The following CDKL5 variants were observed in gnomAD, a reference collection of about 807,000 sequenced individuals.
CDKL5 encodes the protein cyclin dependent kinase like 5, also known as cyclin-dependent kinase-like 5.
In CDKL5, 8 loss-of-function variants were observed where a neutral mutation model predicts 61.7. The ratio of observed to expected loss-of-function variants is 0.13; its 90% CI spans 0.08 to 0.23. The LOEUF is 0.23. Ranked by LOEUF, CDKL5 falls within the 10% of genes least tolerant of loss-of-function variation. The pLI is 1.00. For synonymous variants in CDKL5, 275 were observed against 272.3 expected, an observed-to-expected ratio of 1.01 and a Z score of -0.10; for missense variants, 440 against 734.5, an observed-to-expected ratio of 0.60 and a Z score of 4.63.
At position 18,431,428 on chromosome X, in the gene CDKL5, T is replaced by C. The variant is rs186467095; in HGVS notation, c.-163+5733T>C. Among the ~76,000 whole-genome samples the C allele has an allele frequency of 6.9e-3, 736 of 106,280 alleles. 8 individuals are homozygous for C. The highest frequency in any genetic ancestry group is 0.024 in the African/African-American group (690 of 29,191). The allele number at this position is 106,280 out of a possible 115,157, so 92.3% of individuals were successfully genotyped here. ...TAATTTTGTTGATTTCTTTTCTTTT[T>C]TTTTTTTTTTTGAGACGGAGTCTCG... On this transcript the variant is annotated intron_variant, in intron 1 of 17. Transcript: ENST00000623535.
chrX:18,440,157 C>T (rs1374940498), intron 1 of CDKL5, among the ~76,000 whole-genome samples: 1 of 111,582 alleles, frequency 9.0e-6, no homozygotes, highest in Middle Eastern at 4.6e-3. Context: ...CTGTAGCATA[C>T]GATGCTGTTT....
At chrX:18,627,710 A>T (rs1284400804) in intron 17 of CDKL5, 1 of 107,413 alleles carries the variant, frequency 9.3e-6, no homozygotes, top group Non-Finnish European at 1.9e-5. Flanking sequence ...AATTCTTTAG[A>T]TAGTTCTGAT....
chrX:18,513,055 G>A (rs182518317), intron 3 of CDKL5, among the ~76,000 whole-genome samples: 6 of 111,197 alleles, frequency 5.4e-5, no homozygotes, highest in African/African-American at 1.3e-4. Flanking sequence ...TGTATTATAC[G>A]TATACATATA....
intron 5 of CDKL5, 125 bp downstream of exon 5, chrX:18,575,615 T>A (rs1925275386): frequency 1.6e-6 from 1 of 633,605 alleles, no homozygotes; most frequent in Non-Finnish European, 2.6e-6. Flanking sequence ...CTGAGGACTT[T>A]AAAAATGAAA....
At chrX:18,482,029 G>T (rs1419624020) in intron 1 of CDKL5, among the ~76,000 whole-genome samples, 1 of 111,253 alleles carries the variant, frequency 9.0e-6, no homozygotes, top group Non-Finnish European at 1.9e-5. Context: ...AGTGAGTCCT[G>T]GTTCAAATTT....
intron 1 of CDKL5, among the ~76,000 whole-genome samples, chrX:18,454,323 G>A (rs771548375): frequency 1.9e-5 from 2 of 105,983 alleles, no homozygotes; most frequent in Admixed American, 1.0e-4. Context: ...TGCAACCTCC[G>A]CTTCCCAGGT....
intron 3 of CDKL5, among the ~76,000 whole-genome samples, chrX:18,549,163 T>C (rs1924300400): frequency 8.9e-6 from 1 of 112,277 alleles, no homozygotes; most frequent in Non-Finnish European, 1.9e-5. Flanking sequence ...CTGGCTTTTG[T>C]TCAGGCTCTG....
intron 1 of CDKL5, among the ~76,000 whole-genome samples, chrX:18,478,879 C>T (rs1361493640): frequency 6.4e-5 from 7 of 108,790 alleles, no homozygotes; most frequent in Non-Finnish European, 9.5e-5. Context: ...CCATGCCCCG[C>T]CAATTTTTGT....
intron 1 of CDKL5, among the ~76,000 whole-genome samples, chrX:18,489,963 G>T (rs780826911): frequency 3.6e-5 from 4 of 111,138 alleles, no homozygotes; most frequent in Admixed American, 9.6e-5. Flanking sequence ...TATATTCTCA[G>T]CATCTCCTGG....
chrX:18,553,465 C>CGTGT (rs201802099), intron 3 of CDKL5, among the ~76,000 whole-genome samples: 2,790 of 90,760 alleles, frequency 0.031, 67 homozygotes, highest in African/African-American at 0.065. Context: ...TGTGTGTGTG[C>CGTGT]GTGTGTGTGT....
intron 1 of CDKL5, among the ~76,000 whole-genome samples, chrX:18,469,895 A>T (rs750182023): frequency 8.9e-6 from 1 of 112,347 alleles, no homozygotes; most frequent in Non-Finnish European, 1.9e-5. Context: ...CAAATTGATT[A>T]AAAGAACACT....
At chrX:18,490,501 C>A (rs1177239270) in intron 1 of CDKL5, among the ~76,000 whole-genome samples, 1 of 110,292 alleles carries the variant, frequency 9.1e-6, no homozygotes, top group Non-Finnish European at 1.9e-5. Flanking sequence ...GCACATGAAT[C>A]TTCAGCTTAC....
intron 20 of CDKL5, among the ~76,000 whole-genome samples, chrX:18,649,041 CAAA>C (rs746581850): frequency 1.9e-3 from 99 of 50,805 alleles, no homozygotes; most frequent in Non-Finnish European, 2.7e-3. Context: ...GACACTGTCT[CAAA>C]AAAAAAAAAA....
At chrX:18,592,915 G>T (rs1375281061) in intron 9 of CDKL5, among the ~76,000 whole-genome samples, 1 of 111,753 alleles carries the variant, frequency 8.9e-6, no homozygotes, top group African/African-American at 3.3e-5. Context: ...AACAATTGAT[G>T]CCCCATAGTA....
At chrX:18,446,647 A>G (rs1184559343) in intron 1 of CDKL5, among the ~76,000 whole-genome samples, 1 of 111,871 alleles carries the variant, frequency 8.9e-6, no homozygotes, top group East Asian at 2.8e-4. Context: ...AATACATTTT[A>G]ACGTTCTCAG....
chrX:18,559,332 C>A (rs1176664318), intron 3 of CDKL5, among the ~76,000 whole-genome samples: 1 of 111,664 alleles, frequency 9.0e-6, no homozygotes, highest in East Asian at 2.8e-4. Flanking sequence ...CCTCAGCCTC[C>A]CAAGTAGCTG....
At position 18,579,935 on chromosome X, in the gene CDKL5, C is replaced by G. The variant is rs1336371214; in HGVS notation, c.370C>G (p.His124Asp). Reference sequence around the variant, plus strand: ...CATCTATCAGCTAATCAAGGCTATTCACTGGTGCCATAAGAATGATATTGT... The same window carrying G: ...CATCTATCAGCTAATCAAGGCTATTGACTGGTGCCATAAGAATGATATTGT... ...SYIYQLIKAI[H>D]WCHKNDIVHR... The change falls in exon 6 of 18, where the codon CAC becomes GAC. Residue 124 changes from histidine to aspartate, a missense_variant. Physicochemically the swap from His to Asp is moderately conservative, Grantham distance 81. This residue lies in a region of CDKL5 where 77 missense variants were observed against 218.2 expected (regional missense o/e 0.35). Transcript: ENST00000623535. 4.2e-6 allele frequency: 5 copies of G among 1,200,936 alleles called. No homozygotes were observed. Among genetic ancestry groups the G allele is most frequent in the Non-Finnish European group, 5.6e-6 (5 of 885,987 alleles).
chrX:18,434,550 CAT>C lies in CDKL5; in HGVS notation c.-163+8861_-163+8862del, dbSNP rs745660337. Among the ~76,000 whole-genome samples the C allele has an allele frequency of 1.5e-4, 17 of 112,192 alleles. No individual in the cohort carries two copies. In the South Asian group the frequency reaches 3.6e-3, roughly 24 times the overall value. ...CTTTGGTTTCTGGAAATTAACAAAA[CAT>C]ATATAAATAATATATATTGTTTAAA... is the stretch of plus-strand genomic sequence containing the variant. On this transcript the variant is annotated intron_variant, in intron 1 of 17. Coordinates refer to ENST00000623535, the MANE Select transcript of CDKL5 (RefSeq NM_001323289.2).
At chrX:18,496,732 G>A (rs1318697910) in intron 1 of CDKL5, among the ~76,000 whole-genome samples, 1 of 111,963 alleles carries the variant, frequency 8.9e-6, no homozygotes, top group Non-Finnish European at 1.9e-5. Flanking sequence ...CTTTATACTA[G>A]GTTAATCATC....
Sources: allele counts gnomAD v4.1 joint callset (sites outside exome capture counted in the v4.1 genomes callset), GRCh38; gene constraint gnomAD v4.1.1; regional missense constraint gnomAD v4.1.1; transcripts MANE v1.5; gene names NCBI Gene and HGNC (gene_info 2026-07-23, HGNC 2026-07-21).